The following GSK3B variants were observed in gnomAD, a reference collection of about 807,000 sequenced individuals.
The protein encoded by GSK3B is glycogen synthase kinase-3 beta.
A neutral mutation model predicts 56.4 loss-of-function variants in GSK3B; 15 were observed. The ratio of observed to expected loss-of-function variants is 0.27; its 90% confidence interval spans 0.18 to 0.41. The LOEUF (loss-of-function observed/expected upper bound fraction) is 0.41. Ranked by LOEUF, GSK3B falls within the 10% of genes least tolerant of loss-of-function variation. The pLI, the probability that GSK3B is intolerant of heterozygous loss-of-function variation, is 1.00. For synonymous variants in GSK3B, 181 were observed against 188.9 expected (o/e 0.96, Z 0.34); for missense variants, 300 against 513.4 (o/e 0.58, Z 4.02).
intron 3 of GSK3B, among the ~76,000 whole-genome samples, chr3:119,927,448 A>G (rs1179523126): frequency 6.6e-6 from 1 of 152,176 alleles, no homozygotes; most frequent in Non-Finnish European, 1.5e-5. Flanking sequence ...CAGGGTAGGT[A>G]TACCGGCTAG....
At chr3:119,999,070 A>G (rs1016375290) in intron 2 of GSK3B, among the ~76,000 whole-genome samples, 2 of 152,182 alleles carry the variant, frequency 1.3e-5, no homozygotes, top group African/African-American at 2.4e-5. Context: ...TTTGGCAGGG[A>G]AAAAAATTTT....
chr3:119,909,471 T>C (rs2056715040), intron 6 of GSK3B, among the ~76,000 whole-genome samples: 1 of 152,250 alleles, frequency 6.6e-6, no homozygotes, highest in South Asian at 2.1e-4. Flanking sequence ...CAGCTTAAAG[T>C]TGCTCCTTGT....
chr3:119,885,374 A>C (rs904560291), intron 7 of GSK3B, among the ~76,000 whole-genome samples: 1 of 152,180 alleles, frequency 6.6e-6, no homozygotes, highest in South Asian at 2.1e-4. Flanking sequence ...ATCACAGATG[A>C]CACAAATGGA....
intron 2 of GSK3B, among the ~76,000 whole-genome samples, chr3:119,956,826 C>A (rs903932419): frequency 2.6e-5 from 4 of 152,050 alleles, no homozygotes; most frequent in Non-Finnish European, 5.9e-5. Flanking sequence ...AAGAGATGAG[C>A]CACAAAAATA....
chr3:119,934,064 C>T (rs936419978), intron 3 of GSK3B, among the ~76,000 whole-genome samples: 3 of 152,086 alleles, frequency 2.0e-5, no homozygotes, highest in Admixed American at 6.5e-5. Flanking sequence ...ATGTCTCTTA[C>T]GCAAAATAAA....
intron 3 of GSK3B, among the ~76,000 whole-genome samples, chr3:119,940,969 T>G (rs964491868): frequency 1.3e-5 from 2 of 152,146 alleles, no homozygotes; most frequent in African/African-American, 2.4e-5. Flanking sequence ...CTTTTAGCTA[T>G]TATTATCAAT....
chr3:119,953,377 GCATA>G, intron 2 of GSK3B, among the ~76,000 whole-genome samples: 1 of 152,140 alleles, frequency 6.6e-6, no homozygotes, highest in East Asian at 1.9e-4. Context: ...AAAGAGCTAA[GCATA>G]CAATCAAAAG....
At chr3:120,006,647 C>A (rs898813660) in intron 1 of GSK3B, among the ~76,000 whole-genome samples, 6 of 152,152 alleles carry the variant, frequency 3.9e-5, no homozygotes, top group Non-Finnish European at 8.8e-5. Flanking sequence ...AACTGAACAA[C>A]CTGCTCCTGA....
chr3:120,038,507 A>T (rs2058040183), intron 1 of GSK3B, among the ~76,000 whole-genome samples: 3 of 152,180 alleles, frequency 2.0e-5, no homozygotes, highest in Non-Finnish European at 4.4e-5. Context: ...CAGCCAAGGC[A>T]AGAGTGAGAC....
chr3:120,036,950 C>T (rs966766802), intron 1 of GSK3B, among the ~76,000 whole-genome samples: 3 of 152,064 alleles, frequency 2.0e-5, no homozygotes, highest in Non-Finnish European at 1.5e-5. Context: ...AAATTAATGT[C>T]AACACCTGTT....
intron 3 of GSK3B, among the ~76,000 whole-genome samples, chr3:119,937,390 C>T (rs2057006256): frequency 1.3e-5 from 2 of 152,050 alleles, no homozygotes; most frequent in Admixed American, 6.5e-5. Flanking sequence ...TATCTGGCCA[C>T]GTAACCACTG....
At chr3:119,903,228 CG>C (rs776043263) in intron 7 of GSK3B, among the ~76,000 whole-genome samples, 72 of 152,150 alleles carry the variant, frequency 4.7e-4, no homozygotes, top group Non-Finnish European at 1.6e-4. Flanking sequence ...TGGGCAGCCA[CG>C]GTCAAGAACA....
intron 1 of GSK3B, among the ~76,000 whole-genome samples, chr3:120,063,831 T>C (rs1471649439): frequency 6.7e-6 from 1 of 149,358 alleles, no homozygotes; most frequent in Non-Finnish European, 1.5e-5. Flanking sequence ...CTACCAAAAA[T>C]ACAAAAATTA....
intron 1 of GSK3B, among the ~76,000 whole-genome samples, chr3:120,065,961 G>A (rs1309629008): frequency 6.6e-6 from 1 of 152,174 alleles, no homozygotes; most frequent in Non-Finnish European, 1.5e-5. Flanking sequence ...GGGAAATGGG[G>A]AGTGACTCCT....
chr3:120,011,500 G>T (rs1259944238), intron 1 of GSK3B, among the ~76,000 whole-genome samples: 1 of 152,130 alleles, frequency 6.6e-6, no homozygotes, highest in Non-Finnish European at 1.5e-5. Context: ...GGTAAAACAG[G>T]TCCTACAGAT....
At chr3:119,872,698 A>C (rs2056263311) in intron 8 of GSK3B, among the ~76,000 whole-genome samples, 1 of 152,164 alleles carries the variant, frequency 6.6e-6, no homozygotes, top group African/African-American at 2.4e-5. Flanking sequence ...GGAGTGCTAC[A>C]TCCTTCACAT....
intron 2 of GSK3B, among the ~76,000 whole-genome samples, chr3:119,983,921 C>G (rs563220434): frequency 6.6e-6 from 1 of 152,304 alleles, no homozygotes; most frequent in Non-Finnish European, 1.5e-5. Context: ...CAGCACCACA[C>G]TGCACTTATT....
At chr3:119,847,350 C>T (rs1446664374) in intron 9 of GSK3B, among the ~76,000 whole-genome samples, 1 of 151,982 alleles carries the variant, frequency 6.6e-6, no homozygotes, top group Non-Finnish European at 1.5e-5. Context: ...CGTGGTGGCA[C>T]ACACCTGTGA....
chr3:119,826,780 G>A lies in GSK3B; in HGVS notation c.*8C>T, dbSNP rs748262855. 5.6e-6 allele frequency: 9 copies of A among 1,599,384 alleles called. No individual in the cohort carries two copies. The highest frequency in any genetic ancestry group is 2.2e-5 in the East Asian group (1 of 44,828). On this transcript the variant is annotated 3_prime_UTR_variant, in exon 11 of 11. Coordinates refer to ENST00000264235, the MANE Select transcript of GSK3B (RefSeq NM_001146156.2). ...GTTTTTCCTGTGCAGCTGGCTGCTC[G>A]GGACTGTTCAGGTGGAGTTGGAAGC...
Sources: gnomAD v4.1 joint callset for allele counts (sites outside exome capture counted in the v4.1 genomes callset) on GRCh38, gnomAD v4.1.1 for gene constraint, MANE v1.5 for transcripts, NCBI Gene and HGNC (gene_info 2026-07-23, HGNC 2026-07-21) for gene names.